The following UTS2B variants were observed in gnomAD, a reference collection of about 807,000 sequenced individuals.
UTS2B encodes the protein urotensin-2B.
UTS2B carries 21 observed loss-of-function variants against 19.2 expected under a neutral mutation model. The ratio of observed to expected loss-of-function variants is 1.09; its 90% CI spans 0.78 to 1.58. UTS2B has a LOEUF of 1.58. UTS2B is among the 40% of genes most tolerant of loss of function. The pLI is 0.00. For synonymous variants in UTS2B, 57 were observed against 50.2 expected, an observed-to-expected ratio of 1.14 and a Z score of -0.58; for missense variants, 138 against 130.3, an observed-to-expected ratio of 1.06 and a Z score of -0.29.
the UTS2B span, among the ~76,000 whole-genome samples, chr3:191,343,850 T>C: frequency 3.9e-5 from 6 of 152,352 alleles, no homozygotes; most frequent in East Asian, 1.2e-3. Context: ...ATTGAACTCC[T>C]CTAACTATGT....
intron 4 of UTS2B, among the ~76,000 whole-genome samples, chr3:191,295,391 TC>T (rs1716831219): frequency 6.6e-6 from 1 of 152,146 alleles, no homozygotes; most frequent in Admixed American, 6.5e-5. Flanking sequence ...TCCCTAGTTT[TC>T]TTTTTTTCTC....
intron 3 of UTS2B, among the ~76,000 whole-genome samples, chr3:191,310,960 T>G (rs1717286504): frequency 6.6e-6 from 1 of 152,256 alleles, no homozygotes; most frequent in South Asian, 2.1e-4. Flanking sequence ...CAACTGGCAC[T>G]TTAAGTTGGC....
chr3:191,310,946 G>T (rs180907773), intron 3 of UTS2B, among the ~76,000 whole-genome samples: 11 of 152,308 alleles, frequency 7.2e-5, no homozygotes, highest in Middle Eastern at 3.4e-3. Flanking sequence ...AGTTTCAGAA[G>T]CTGCAACTGG....
In UTS2B at chr3:191,302,016, A is replaced by T. The variant is rs545978002; in HGVS notation, c.-125+2476T>A. ...TTGAGGTCTGCTGGGCTGCAATCCC[A>T]GGGGGTTAGGCATTCTTAGTCACAG... On this transcript the variant is annotated intron_variant, in intron 4 of 8. Coordinates refer to ENST00000340524, the MANE Select transcript of UTS2B (RefSeq NM_198152.5). Among the ~76,000 whole-genome samples, 5 of 152,020 alleles carry T rather than the reference A, an allele frequency of 3.3e-5. No homozygotes were observed. The East Asian group carries it at 9.7e-4, about 29-fold the overall frequency.
intron 5 of UTS2B, among the ~76,000 whole-genome samples, chr3:191,279,761 C>T (rs981333423): frequency 4.3e-4 from 66 of 151,764 alleles, no homozygotes; most frequent in African/African-American, 1.5e-3. Context: ...AGAAAAAAAC[C>T]TCTTTTATGG....
chr3:191,331,066 A>T (rs929110786), upstream of UTS2B, among the ~76,000 whole-genome samples: 2 of 152,208 alleles, frequency 1.3e-5, no homozygotes. Context: ...GGAAAGGCGG[A>T]TCCATACTTT....
chr3:191,293,928 G>C lies in UTS2B; in HGVS notation c.-125+10564C>G, dbSNP rs565298806. Among the ~76,000 whole-genome samples the C allele has an allele frequency of 2.0e-3, 305 of 151,758 alleles. 4 individuals carry two copies. Among genetic ancestry groups the C allele is most frequent in the African/African-American group, 7.1e-3 (293 of 41,150 alleles). ...GTTCAAGACCAGCCTGACCAACATG[G>C]AGAAACCCTGTCTCTACTAAAAATA... On this transcript the variant is annotated intron_variant, in intron 4 of 8. Coordinates refer to ENST00000340524, the MANE Select transcript of UTS2B (RefSeq NM_198152.5).
At chr3:191,292,785 G>C (rs188194312) in intron 4 of UTS2B, among the ~76,000 whole-genome samples, 87 of 152,158 alleles carry the variant, frequency 5.7e-4, no homozygotes, top group Non-Finnish European at 1.0e-3. Context: ...GTTAATTCTG[G>C]ATTTTTTTGT....
At chr3:191,335,706 T>C in the UTS2B span, among the ~76,000 whole-genome samples, 1 of 152,170 alleles carries the variant, frequency 6.6e-6, no homozygotes, top group Non-Finnish European at 1.5e-5. Context: ...AGTAAAGACT[T>C]TCTAATAAAC....
At chr3:191,296,970 A>G (rs1477173018) in intron 4 of UTS2B, among the ~76,000 whole-genome samples, 4 of 152,238 alleles carry the variant, frequency 2.6e-5, no homozygotes, top group Non-Finnish European at 5.9e-5. Flanking sequence ...GAACACCTCA[A>G]TGCATTCATA....
At chr3:191,305,711 T>C (rs1311654821) in intron 3 of UTS2B, among the ~76,000 whole-genome samples, 1 of 152,236 alleles carries the variant, frequency 6.6e-6, no homozygotes, top group Non-Finnish European at 1.5e-5. Flanking sequence ...CAGTTGCTTT[T>C]GGTGTCTTTG....
chr3:191,271,305 C>T (rs1246986326), intron 8 of UTS2B, among the ~76,000 whole-genome samples: 1 of 150,896 alleles, frequency 6.6e-6, no homozygotes, highest in Admixed American at 6.6e-5. Context: ...ATTATGATTG[C>T]TTCCTTGCCT....
chr3:191,280,240 T>A (rs1716347359), intron 5 of UTS2B, among the ~76,000 whole-genome samples: 1 of 152,134 alleles, frequency 6.6e-6, no homozygotes, highest in South Asian at 2.1e-4. Context: ...TTTCCCATAA[T>A]CTTCTTGGTC....
chr3:191,326,150 C>T (rs1224005379), intron 2 of UTS2B, among the ~76,000 whole-genome samples: 1 of 152,072 alleles, frequency 6.6e-6, no homozygotes, highest in East Asian at 1.9e-4. Context: ...ATTCATTTGC[C>T]TATATTGTTT....
At chr3:191,325,753 G>A (rs1717729914) in intron 2 of UTS2B, among the ~76,000 whole-genome samples, 1 of 152,186 alleles carries the variant, frequency 6.6e-6, no homozygotes, top group Non-Finnish European at 1.5e-5. Context: ...GGACTGCACT[G>A]CAGACAGGGT....
intron 2 of UTS2B, among the ~76,000 whole-genome samples, chr3:191,321,882 C>A (rs1717619774): frequency 6.6e-6 from 1 of 152,072 alleles, no homozygotes; most frequent in Non-Finnish European, 1.5e-5. Context: ...CAAAAATTAG[C>A]CAGGCGTGGT....
chr3:191,317,092 T>C (rs924234142), intron 2 of UTS2B, among the ~76,000 whole-genome samples: 51 of 152,266 alleles, frequency 3.3e-4, no homozygotes, highest in Non-Finnish European at 4.7e-4. Flanking sequence ...GCTCGGGCCG[T>C]GCAGAGCCCA....
chr3:191,282,253 T>A lies in UTS2B; in HGVS notation c.-64A>T, dbSNP rs1449194249. ...TTCCAGGTCAAGATGGATATTTCTA[T>A]AGCTTTGGAATTCAGTAGAGCTTAG... On this transcript the variant is annotated 5_prime_UTR_variant, in exon 5 of 9. Transcript: ENST00000340524. The A allele has an allele frequency of 7.8e-7, 1 of 1,279,500 alleles. No homozygotes were observed. Among genetic ancestry groups the A allele is most frequent in the Non-Finnish European group, 1.1e-6 (1 of 908,536 alleles). 79.3% of individuals were successfully genotyped at this position (1,279,500 alleles called of 1,614,324 possible).
chr3:191,330,802 A>G (rs1717955093), upstream of UTS2B, among the ~76,000 whole-genome samples: 1 of 152,126 alleles, frequency 6.6e-6, no homozygotes, highest in Non-Finnish European at 1.5e-5. Flanking sequence ...AAAATGAGGG[A>G]CTGCTTGATT....
Sources: gnomAD v4.1 joint callset for allele counts (sites outside exome capture counted in the v4.1 genomes callset) on GRCh38, gnomAD v4.1.1 for gene constraint, MANE v1.5 for transcripts, NCBI Gene and HGNC (gene_info 2026-07-23, HGNC 2026-07-21) for gene names.